The following SLC9A9 variants were observed in gnomAD, a reference collection of about 807,000 sequenced individuals.
SLC9A9 encodes solute carrier family 9 member A9, also known as sodium/hydrogen exchanger 9.
SLC9A9 carries 62 observed loss-of-function variants against 77.8 expected under a neutral mutation model. That is an observed-to-expected ratio of 0.80 (90% CI 0.65 to 0.98). The LOEUF (loss-of-function observed/expected upper bound fraction) is 0.98, where lower values mean the gene tolerates loss of function less well. Ranked by LOEUF, SLC9A9 falls within the 50% of genes least tolerant of loss-of-function variation. The pLI is 0.00. For missense variants in SLC9A9, 775 were observed against 774.9 expected (o/e 1.00, Z 0.00); for synonymous variants, 320 against 283.5 (o/e 1.13, Z -1.29).
intron 9 of SLC9A9, chr3:143,518,347 T>C: frequency 1.6e-6 from 1 of 636,636 alleles, no homozygotes; most frequent in South Asian, 1.9e-5. Flanking sequence ...TTTTGTGTAA[T>C]ATTATTTGTT....
intron 14 of SLC9A9, among the ~76,000 whole-genome samples, chr3:143,279,521 G>A (rs183433081): frequency 6.6e-6 from 1 of 152,084 alleles, no homozygotes; most frequent in Non-Finnish European, 1.5e-5. Context: ...CCATCAACCC[G>A]TTATCTACAT....
Position 143,347,239 on chromosome 3 carries a change from C to T in SLC9A9, c.1604+16245G>A, listed in dbSNP as rs114688168. On this transcript the variant is annotated intron_variant, in intron 14 of 15. Coordinates refer to ENST00000316549, the MANE Select transcript of SLC9A9 (RefSeq NM_173653.4). ...TGTAGCCATGTATTGGCCCAGTAAT[C>T]GTCACAAGCATCACAACCAATTACT... 8.4e-3 allele frequency among the ~76,000 whole-genome samples: 1,272 copies of T among 152,106 alleles called. 16 individuals carry two copies. Among genetic ancestry groups the T allele is most frequent in the African/African-American group, 0.028 (1,159 of 41,476 alleles).
chr3:143,578,468 A>G (rs1057007579), intron 7 of SLC9A9, 117 bp downstream of exon 7: 4 of 1,502,210 alleles, frequency 2.7e-6, no homozygotes, highest in African/African-American at 2.7e-5. Flanking sequence ...GCCGTATGAA[A>G]CTTGGACCAG....
At chr3:143,623,645 G>C (rs530557683) in intron 6 of SLC9A9, among the ~76,000 whole-genome samples, 4,389 of 152,076 alleles carry the variant, frequency 0.029, 192 homozygotes, top group African/African-American at 0.1. Flanking sequence ...AGCACTAAAT[G>C]CCCACAAGAG....
At chr3:143,267,311 C>T (rs938703986) in intron 15 of SLC9A9, among the ~76,000 whole-genome samples, 2 of 149,642 alleles carry the variant, frequency 1.3e-5, no homozygotes, top group Non-Finnish European at 3.0e-5. Context: ...ACATTCCTGC[C>T]TATCAAAAAA....
intron 9 of SLC9A9, among the ~76,000 whole-genome samples, chr3:143,523,381 T>A (rs78350682): frequency 8.9e-4 from 136 of 152,206 alleles, no homozygotes; most frequent in African/African-American, 3.0e-3. Context: ...ACTTCATATT[T>A]TTGTTAATTT....
At chr3:143,515,227 C>T (rs1291052790) in intron 9 of SLC9A9, among the ~76,000 whole-genome samples, 1 of 151,986 alleles carries the variant, frequency 6.6e-6, no homozygotes, top group Non-Finnish European at 1.5e-5. Flanking sequence ...TCATAATGCC[C>T]CTAAATAATT....
At chr3:143,488,631 G>A (rs1045413508) in intron 11 of SLC9A9, among the ~76,000 whole-genome samples, 4 of 151,850 alleles carry the variant, frequency 2.6e-5, no homozygotes, top group Non-Finnish European at 5.9e-5. Flanking sequence ...GACATTAACA[G>A]CATGAAGGAG....
intron 4 of SLC9A9, among the ~76,000 whole-genome samples, chr3:143,727,992 A>C (rs1047264000): frequency 4.6e-5 from 7 of 152,220 alleles, no homozygotes; most frequent in Non-Finnish European, 8.8e-5. Flanking sequence ...CGTTGCCTGC[A>C]CAGATTTTTA....
intron 4 of SLC9A9, among the ~76,000 whole-genome samples, chr3:143,772,744 C>G (rs991117932): frequency 6.6e-6 from 1 of 152,202 alleles, no homozygotes; most frequent in African/African-American, 2.4e-5. Flanking sequence ...AAACAGGTCA[C>G]AGAGCTGTGA....
intron 6 of SLC9A9, among the ~76,000 whole-genome samples, chr3:143,600,796 C>T (rs1406031539): frequency 6.6e-6 from 1 of 152,146 alleles, no homozygotes; most frequent in Admixed American, 6.5e-5. Flanking sequence ...AGGCTGAAAA[C>T]ATTTTCTCCA....
At chr3:143,493,159 A>C (rs2035778100) in intron 11 of SLC9A9, among the ~76,000 whole-genome samples, 1 of 152,234 alleles carries the variant, frequency 6.6e-6, no homozygotes, top group African/African-American at 2.4e-5. Flanking sequence ...CGTTTTCTCA[A>C]CTAACAACTG....
chr3:143,650,457 C>T (rs887171641), intron 6 of SLC9A9, among the ~76,000 whole-genome samples: 2 of 152,114 alleles, frequency 1.3e-5, no homozygotes, highest in East Asian at 3.9e-4. Context: ...TGGAAATGTG[C>T]AAAAAGGAGG....
chr3:143,587,442 C>T (rs893972671), intron 6 of SLC9A9, among the ~76,000 whole-genome samples: 2 of 152,164 alleles, frequency 1.3e-5, no homozygotes, highest in African/African-American at 4.8e-5. Context: ...TAAGTGGAGT[C>T]CTGAATGAAA....
At chr3:143,664,190 A>T (rs2108758692) in intron 5 of SLC9A9, among the ~76,000 whole-genome samples, 1 of 152,320 alleles carries the variant, frequency 6.6e-6, no homozygotes, top group Middle Eastern at 3.4e-3. Flanking sequence ...ATTCTTAAAG[A>T]AAAGAATTTT....
intron 5 of SLC9A9, among the ~76,000 whole-genome samples, chr3:143,659,856 A>G (rs1442313018): frequency 6.6e-6 from 1 of 152,166 alleles, no homozygotes; most frequent in Admixed American, 6.5e-5. Context: ...CATGGAAGGG[A>G]CCCTGTGGGA....
In SLC9A9 at chr3:143,848,132, C is replaced by T; in HGVS notation, c.175+16G>A. Reference sequence around the variant, plus strand: ...AGCAACAAGTTTCACATCAATCTCACAATTTATGCACTCACCATACACCAT... The same window carrying T: ...AGCAACAAGTTTCACATCAATCTCATAATTTATGCACTCACCATACACCAT... On this transcript the variant is annotated intron_variant, in intron 1 of 15. Transcript: ENST00000316549. The T allele has an allele frequency of 6.2e-7, 1 of 1,609,802 alleles. No homozygotes were observed.
chr3:143,585,148 A>G (rs1293957474), intron 6 of SLC9A9, among the ~76,000 whole-genome samples: 3 of 152,122 alleles, frequency 2.0e-5, no homozygotes, highest in African/African-American at 7.2e-5. Flanking sequence ...TTCCAGGTCT[A>G]TACACTTCCA....
intron 12 of SLC9A9, among the ~76,000 whole-genome samples, chr3:143,389,835 G>T (rs1186688772): frequency 6.6e-6 from 1 of 152,206 alleles, no homozygotes; most frequent in Non-Finnish European, 1.5e-5. Flanking sequence ...AGTATGTAAA[G>T]ACAGTTTGGA....
Sources: gnomAD v4.1 joint callset for allele counts (sites outside exome capture counted in the v4.1 genomes callset) on GRCh38, gnomAD v4.1.1 for gene constraint, MANE v1.5 for transcripts, NCBI Gene and HGNC (gene_info 2026-07-23, HGNC 2026-07-21) for gene names.